Variants in PIK3AP1 observed in about 807,000 individuals in gnomAD.
PIK3AP1 encodes phosphoinositide-3-kinase adaptor protein 1, also known as phosphoinositide 3-kinase adapter protein 1.
Under a neutral mutation model 88.1 loss-of-function variants are expected in PIK3AP1, and 21 were observed. That is an observed-to-expected ratio of 0.24 (90% confidence interval 0.17 to 0.34). PIK3AP1 has a LOEUF of 0.34. Among genes scored for constraint, PIK3AP1 ranks in the 10% least tolerant of loss-of-function variants. The pLI is 1.00. For synonymous variants in PIK3AP1, 398 were observed against 400.0 expected, an observed-to-expected ratio of 1.00 and a Z score of 0.06; for missense variants, 828 against 1,035.7, an observed-to-expected ratio of 0.80 and a Z score of 2.75.
intron 2 of PIK3AP1, among the ~76,000 whole-genome samples, chr10:96,700,050 A>G (rs748221900): frequency 2.1e-4 from 32 of 152,204 alleles, no homozygotes; most frequent in Non-Finnish European, 3.1e-4. Context: ...TCTGGCATAC[A>G]TTAGAAAATT....
At chr10:96,709,363 G>C (rs1844408059) in intron 2 of PIK3AP1, among the ~76,000 whole-genome samples, 1 of 151,962 alleles carries the variant, frequency 6.6e-6, no homozygotes, top group African/African-American at 2.4e-5. Context: ...GAAGAAAAGG[G>C]ACAGTGTCCT....
chr10:96,715,420 T>C (rs893871742), intron 1 of PIK3AP1, among the ~76,000 whole-genome samples: 3 of 152,212 alleles, frequency 2.0e-5, no homozygotes, highest in African/African-American at 2.4e-5. Flanking sequence ...GAGGAAAGCC[T>C]GAACTTTTAG....
intron 13 of PIK3AP1, among the ~76,000 whole-genome samples, chr10:96,612,181 G>A (rs546259683): frequency 2.0e-5 from 3 of 152,208 alleles, no homozygotes; most frequent in South Asian, 2.1e-4. Flanking sequence ...CCTGGGACCC[G>A]GTTAGCTCCT....
At chr10:96,679,450 C>T (rs563624104) in intron 2 of PIK3AP1, among the ~76,000 whole-genome samples, 1 of 152,028 alleles carries the variant, frequency 6.6e-6, no homozygotes, top group African/African-American at 2.4e-5. Context: ...ATCTCTTGGA[C>T]CTGGGAGGCG....
intron 13 of PIK3AP1, among the ~76,000 whole-genome samples, chr10:96,611,252 C>T (rs117720019): frequency 2.0e-5 from 3 of 152,152 alleles, no homozygotes; most frequent in Non-Finnish European, 2.9e-5. Context: ...GTCCAAGTGT[C>T]CAACCAGCTT....
chr10:96,640,421 A>C (rs1489655898), intron 8 of PIK3AP1, among the ~76,000 whole-genome samples: 1 of 152,152 alleles, frequency 6.6e-6, no homozygotes, highest in Non-Finnish European at 1.5e-5. Context: ...GTCACTGGGC[A>C]AGCTTTCAAC....
At position 96,648,826 on chromosome 10, in the gene PIK3AP1, A is replaced by G. The variant is rs746631872; in HGVS notation, c.1018T>C (p.Leu340=). 2 of 1,593,380 alleles carry G rather than the reference A, an allele frequency of 1.3e-6. No homozygotes were observed. The highest frequency in any genetic ancestry group is 1.7e-6 in the Non-Finnish European group (2 of 1,171,588). ...AGTCCATACTTCGCAGCAAAATGCA[A>G]CAGGGTGGGCAGCTCTTCATCCCTC... ...NQRDEELPTL[L]HFAAKYGLKN... The change falls in exon 7 of 17, where the codon TTG becomes CTG. Residue 340 remains leucine, a synonymous_variant. Transcript: ENST00000339364.
intron 2 of PIK3AP1, among the ~76,000 whole-genome samples, chr10:96,684,612 G>C (rs952177418): frequency 6.6e-6 from 1 of 152,192 alleles, no homozygotes; most frequent in Admixed American, 6.5e-5. Context: ...TAATCAGAAA[G>C]AACATCCCAG....
intron 2 of PIK3AP1, among the ~76,000 whole-genome samples, chr10:96,693,800 G>A (rs1844186573): frequency 1.3e-5 from 2 of 152,116 alleles, no homozygotes; most frequent in Admixed American, 6.5e-5. Flanking sequence ...GCAAACTGCG[G>A]GAACATATTA....
At position 96,602,261 on chromosome 10, in the gene PIK3AP1, A is replaced by T. The variant is rs747096308; in HGVS notation, c.2360+19T>A. The T allele has an allele frequency of 2.0e-5, 31 of 1,563,552 alleles. No homozygotes were observed. Among genetic ancestry groups the T allele is most frequent in the Middle Eastern group, 1.7e-4 (1 of 5,940 alleles). On this transcript the variant is annotated intron_variant, in intron 16 of 16. Transcript: ENST00000339364. ...GATTCAGAGATAAGGGAAAAATTTC[A>T]TATCAGTTTTGATGTTACCTCTGTG...
intron 8 of PIK3AP1, chr10:96,632,908 T>G: frequency 6.2e-7 from 1 of 1,612,662 alleles, no homozygotes; most frequent in Non-Finnish European, 8.5e-7. Context: ...TGGGACATGC[T>G]TGGCACCAGT....
chr10:96,610,711 C>T (rs997565465), intron 13 of PIK3AP1, among the ~76,000 whole-genome samples: 4 of 152,178 alleles, frequency 2.6e-5, no homozygotes, highest in African/African-American at 7.2e-5. Flanking sequence ...TGGCTTAACC[C>T]TACCCAGAGG....
rs1239098591 is a variant in PIK3AP1, at chr10:96,693,142, C to T, written c.430+16425G>A. 2.0e-5 allele frequency among the ~76,000 whole-genome samples: 3 copies of T among 152,358 alleles called. No homozygotes were observed. In the East Asian group the frequency reaches 5.8e-4, roughly 29 times the overall value. On this transcript the variant is annotated intron_variant, in intron 2 of 16. Coordinates refer to ENST00000339364, the MANE Select transcript of PIK3AP1 (RefSeq NM_152309.3). The stretch of plus-strand genomic sequence containing the variant: ...AAAACTTTTCTTTACAACAAGTTCA[C>T]TTCCTTCAACTATTTCTCATCTGAC...
intron 3 of PIK3AP1, among the ~76,000 whole-genome samples, chr10:96,653,827 G>A (rs763365965): frequency 7.9e-5 from 12 of 152,182 alleles, no homozygotes; most frequent in Non-Finnish European, 1.6e-4. Flanking sequence ...TAGCATTTCT[G>A]TTGCATTGTT....
chr10:96,608,711 G>C (rs895544537), intron 14 of PIK3AP1, among the ~76,000 whole-genome samples: 1 of 152,180 alleles, frequency 6.6e-6, no homozygotes, highest in Non-Finnish European at 1.5e-5. Flanking sequence ...GTATCTGGGG[G>C]ACACAGCCAA....
chr10:96,650,349 G>T (rs923642845), intron 6 of PIK3AP1, among the ~76,000 whole-genome samples: 1 of 152,098 alleles, frequency 6.6e-6, no homozygotes, highest in Non-Finnish European at 1.5e-5. Context: ...ATGAAGGAAC[G>T]GTGGTGTCCA....
At chr10:96,658,487 A>G (rs1843644745) in intron 2 of PIK3AP1, among the ~76,000 whole-genome samples, 1 of 152,278 alleles carries the variant, frequency 6.6e-6, no homozygotes, top group African/African-American at 2.4e-5. Context: ...GCAGGGCTAC[A>G]GGGCCTCAGT....
rs934060056 is a variant in PIK3AP1 at position 96,651,593 on chromosome 10, T to C, written c.771A>G (p.Glu257=). The C allele has an allele frequency of 4.5e-5, 72 of 1,614,060 alleles. No individual in the cohort carries two copies. The highest frequency in any genetic ancestry group is 6.0e-5 in the Non-Finnish European group (71 of 1,180,014). Residue 257 remains glutamate (E), a synonymous_variant, in exon 5 of 17, where the codon GAA becomes GAG. Coordinates refer to ENST00000339364, the MANE Select transcript of PIK3AP1 (RefSeq NM_152309.3). ...KIYSGDLVVC[E]TVISYYTDME... ...TGTCAGTATAATAGCTGATAACGGT[T>C]TCACACACCACTAAGTCTCCAGAAT...
At chr10:96,597,368 C>CTT (rs1564948177) in intron 16 of PIK3AP1, among the ~76,000 whole-genome samples, 6 of 100,400 alleles carry the variant, frequency 6.0e-5, no homozygotes, top group African/African-American at 2.4e-4. Context: ...CTCTCTCTCT[C>CTT]TCTCTCTCTT....
Sources: allele counts gnomAD v4.1 joint callset (sites outside exome capture counted in the v4.1 genomes callset), GRCh38; gene constraint gnomAD v4.1.1; transcripts MANE v1.5; gene names NCBI Gene and HGNC (gene_info 2026-07-23, HGNC 2026-07-21).